The following POU2F3 variants were observed in gnomAD, a reference collection of about 807,000 sequenced individuals.
POU2F3 encodes the protein POU class 2 homeobox 3.
Under a neutral mutation model 59.2 loss-of-function variants are expected in POU2F3, and 23 were observed. That is an observed-to-expected ratio of 0.39 (90% CI 0.28 to 0.55). POU2F3 has a LOEUF of 0.55. Among genes scored for constraint, POU2F3 ranks in the 20% least tolerant of loss-of-function variants. POU2F3 has a pLI of 0.66. For missense variants in POU2F3, 473 were observed against 544.5 expected (o/e 0.87, Z 1.31); for synonymous variants, 190 against 214.6 (o/e 0.89, Z 1.00).
chr11:120,295,963 G>A (rs1211791447), intron 3 of POU2F3, among the ~76,000 whole-genome samples: 2 of 152,176 alleles, frequency 1.3e-5, no homozygotes, highest in African/African-American at 4.8e-5. Flanking sequence ...AGGGCTTCTT[G>A]GTGTTATTTA....
chr11:120,279,350 A>C (rs4936511), intron 3 of POU2F3, among the ~76,000 whole-genome samples: 33,699 of 152,154 alleles, frequency 0.22, 4,022 homozygotes, highest in Admixed American at 0.35. Context: ...AATAGAGTTA[A>C]GATCTATAAA....
chr11:120,294,406 A>C (rs913627840), intron 3 of POU2F3, among the ~76,000 whole-genome samples: 6 of 152,246 alleles, frequency 3.9e-5, no homozygotes, highest in Non-Finnish European at 8.8e-5. Context: ...GAACTGCCAA[A>C]GAGACCCTGG....
intron 1 of POU2F3, among the ~76,000 whole-genome samples, chr11:120,243,744 C>T (rs1938763874): frequency 6.6e-6 from 1 of 152,222 alleles, no homozygotes; most frequent in East Asian, 1.9e-4. Context: ...TCCTACCCAA[C>T]AGGAACAGGT....
chr11:120,287,193 T>A (rs549801100), intron 3 of POU2F3, among the ~76,000 whole-genome samples: 1 of 152,172 alleles, frequency 6.6e-6, no homozygotes, highest in African/African-American at 2.4e-5. Context: ...GGAAAGAGGG[T>A]TGATTTGGGG....
In POU2F3 at chr11:120,273,349, GCTAAGCTCTAC is replaced by G. The variant is rs1940158916; in HGVS notation, c.132+4111_132+4121del. 2.0e-5 allele frequency among the ~76,000 whole-genome samples: 3 copies of G among 152,210 alleles called. No homozygotes were observed. In the South Asian group the frequency reaches 6.2e-4, roughly 32 times the overall value. The stretch of plus-strand genomic sequence containing the variant: ...TGAATTCTGTGAGAGACATGAGAAT[GCTAAGCTCTAC>G]CTAAGGATATTACAGAAGAGATGGT... On this transcript the variant is annotated intron_variant, in intron 3 of 12. Transcript: ENST00000543440.
chr11:120,302,393 T>C, intron 6 of POU2F3, 25 bp downstream of exon 6: 1 of 1,557,516 alleles, frequency 6.4e-7, no homozygotes. Context: ...TCTTCCTGTT[T>C]CCTCTAGGAA....
At chr11:120,307,233 T>C (rs1293221773) in intron 8 of POU2F3, among the ~76,000 whole-genome samples, 4 of 152,126 alleles carry the variant, frequency 2.6e-5, no homozygotes, top group Non-Finnish European at 2.9e-5. Flanking sequence ...CAGAGGGCCA[T>C]GGAGGGTCAC....
chr11:120,306,822 T>G (rs1318254090), intron 8 of POU2F3, among the ~76,000 whole-genome samples: 1 of 152,172 alleles, frequency 6.6e-6, no homozygotes, highest in Non-Finnish European at 1.5e-5. Flanking sequence ...AGGCTGTCCC[T>G]TAGACAGCCT....
intron 3 of POU2F3, among the ~76,000 whole-genome samples, chr11:120,288,799 T>C (rs1417234344): frequency 6.6e-6 from 1 of 151,454 alleles, no homozygotes; most frequent in Non-Finnish European, 1.5e-5. Flanking sequence ...CGCACATGTA[T>C]GTATTACATA....
chr11:120,306,675 G>C (rs965603559), intron 8 of POU2F3, among the ~76,000 whole-genome samples: 9 of 152,130 alleles, frequency 5.9e-5, no homozygotes, highest in African/African-American at 2.2e-4. Flanking sequence ...CCAGGGCTGG[G>C]CTCTATTCAG....
chr11:120,264,407 CA>C (rs1205449954), intron 2 of POU2F3, among the ~76,000 whole-genome samples: 1 of 152,166 alleles, frequency 6.6e-6, no homozygotes, highest in Non-Finnish European at 1.5e-5. Context: ...GATGCAGAAA[CA>C]CAGAGGAGGA....
chr11:120,236,717 T>C (rs2135105816), upstream of POU2F3: 1 of 1,478,026 alleles, frequency 6.8e-7, no homozygotes, highest in East Asian at 2.5e-5. Context: ...GGTAAAGGAG[T>C]TCTCTACGTT....
chr11:120,309,530 C>A lies in POU2F3; in HGVS notation c.1012C>A (p.Arg338=). 6.2e-7 allele frequency: 1 copy of A among 1,614,088 alleles called. No homozygotes were observed. The highest frequency in any genetic ancestry group is 8.5e-7 in the Non-Finnish European group (1 of 1,180,010). The change falls in exon 10 of 13, where the codon CGA becomes AGA. Residue 338 remains arginine, a synonymous_variant. Transcript: ENST00000543440. ...WFCNRRQKEK[R]INCPVATPIK... The stretch of plus-strand genomic sequence containing the variant: ...CTGCAACCGACGCCAAAAGGAGAAG[C>A]GAATCAACTGCCCTGTGGCCACACC...
At chr11:120,281,860 T>C (rs1341740429) in intron 3 of POU2F3, among the ~76,000 whole-genome samples, 2 of 151,588 alleles carry the variant, frequency 1.3e-5, no homozygotes, top group Non-Finnish European at 2.9e-5. Context: ...CTCTGTTCAA[T>C]GGGAGGAAAA....
intron 1 of POU2F3, among the ~76,000 whole-genome samples, chr11:120,244,885 T>G (rs1452236537): frequency 6.8e-6 from 1 of 147,676 alleles, no homozygotes; most frequent in Non-Finnish European, 1.5e-5. Context: ...ATAGAGAGTT[T>G]GAGACTGCAG....
intron 3 of POU2F3, among the ~76,000 whole-genome samples, chr11:120,270,683 A>G (rs1340902478): frequency 6.6e-6 from 1 of 152,106 alleles, no homozygotes; most frequent in Non-Finnish European, 1.5e-5. Flanking sequence ...TTATCTGCAG[A>G]GTGATATGAA....
At chr11:120,314,843 T>C (rs1941739615) in intron 10 of POU2F3, among the ~76,000 whole-genome samples, 1 of 152,194 alleles carries the variant, frequency 6.6e-6, no homozygotes, top group Non-Finnish European at 1.5e-5. Flanking sequence ...CAAAGTTCAG[T>C]GCCTCCAGTC....
In POU2F3 at chr11:120,260,342, G is replaced by C. The variant is rs79893241; in HGVS notation, c.98-8868G>C. Among the ~76,000 whole-genome samples the C allele has an allele frequency of 6.8e-4, 103 of 152,336 alleles. No homozygotes were observed. The East Asian group carries it at 0.013, about 20-fold the overall frequency. ...CCTAGGGGCCCCACGCCTAGCTCCT[G>C]GTGTTAGGGGCTTGGCCAGGGAGCT... On this transcript the variant is annotated intron_variant, in intron 2 of 12. Coordinates refer to ENST00000543440, the MANE Select transcript of POU2F3 (RefSeq NM_014352.4).
chr11:120,258,240 G>A (rs962449547), intron 2 of POU2F3, among the ~76,000 whole-genome samples: 1 of 152,112 alleles, frequency 6.6e-6, no homozygotes. Flanking sequence ...CCCTGGGGGA[G>A]AGGACTAGGA....
Sources: gnomAD v4.1 joint callset for allele counts (sites outside exome capture counted in the v4.1 genomes callset) on GRCh38, gnomAD v4.1.1 for gene constraint, MANE v1.5 for transcripts, NCBI Gene and HGNC (gene_info 2026-07-23, HGNC 2026-07-21) for gene names.